ZRANB3: variants seen among roughly 807,000 people sequenced by gnomAD.
ZRANB3 encodes the protein zinc finger RANBP2-type containing 3.
ZRANB3 carries 125 observed loss-of-function variants against 133.8 expected under a neutral mutation model. The observed-to-expected ratio is 0.93, with a 90% CI of 0.81 to 1.08. The LOEUF is 1.08. Ranked by LOEUF, ZRANB3 falls within the 50% of genes least tolerant of loss-of-function variation. The pLI, the probability that ZRANB3 is intolerant of heterozygous loss-of-function variation, is 0.00. For missense variants in ZRANB3, 1,229 were observed against 1,275.5 expected (o/e 0.96, Z 0.56); for synonymous variants, 387 against 432.7 (o/e 0.89, Z 1.31).
At chr2:135,326,430 ATAAT>A (rs1278973163) in intron 6 of ZRANB3, among the ~76,000 whole-genome samples, 1 of 152,148 alleles carries the variant, frequency 6.6e-6, no homozygotes, top group Admixed American at 6.5e-5. Flanking sequence ...TAATGGTATT[ATAAT>A]TAATTACTTT....
intron 2 of ZRANB3, among the ~76,000 whole-genome samples, chr2:135,480,075 A>T (rs764482947): frequency 6.6e-6 from 1 of 150,486 alleles, no homozygotes; most frequent in Non-Finnish European, 1.5e-5. Flanking sequence ...CTGGGACTAC[A>T]GGCGCCCGCC....
At chr2:135,321,479 T>C (rs1368976574) in intron 6 of ZRANB3, among the ~76,000 whole-genome samples, 4 of 151,500 alleles carry the variant, frequency 2.6e-5, no homozygotes, top group Admixed American at 6.6e-5. Flanking sequence ...TTGGGATTTT[T>C]TTTTTTTTTT....
chr2:135,341,245 G>A (rs1016887066), intron 6 of ZRANB3, among the ~76,000 whole-genome samples: 2 of 149,722 alleles, frequency 1.3e-5, no homozygotes, highest in Admixed American at 6.6e-5. Flanking sequence ...AGCCAGGATG[G>A]TCTCGATCTC....
At chr2:135,265,430 T>C in intron 12 of ZRANB3, 104 bp downstream of exon 12, 1 of 1,279,352 alleles carries the variant, frequency 7.8e-7, no homozygotes, top group Non-Finnish European at 1.0e-6. Flanking sequence ...AAGTCTCCTT[T>C]CAACACCATA....
intron 1 of ZRANB3, chr2:135,530,548 T>A (rs1448854372): frequency 1.3e-5 from 2 of 152,192 alleles, no homozygotes; most frequent in Non-Finnish European, 2.9e-5. Context: ...CCGCAGAATC[T>A]CCAACTCCCG....
chr2:135,332,667 AG>A (rs886419556), intron 6 of ZRANB3, among the ~76,000 whole-genome samples: 2 of 152,190 alleles, frequency 1.3e-5, no homozygotes, highest in Non-Finnish European at 2.9e-5. Context: ...GGTTACAACC[AG>A]GTCCTAAGAA....
rs897031102 is a variant in ZRANB3, at chr2:135,316,219, G to A, written c.678-689C>T. ...ACTGACTTGGCAAAAGAAAGGAAGC[G>A]ATAACTTAAACTGCTTGCAAAAGAC... On this transcript the variant is annotated intron_variant, in intron 6 of 20. Coordinates refer to ENST00000264159, the MANE Select transcript of ZRANB3 (RefSeq NM_032143.4). Among the ~76,000 whole-genome samples the A allele has an allele frequency of 5.3e-5, 8 of 152,296 alleles. No homozygotes were observed. The South Asian group carries it at 8.3e-4, about 16-fold the overall frequency.
chr2:135,327,614 G>C (rs942786938), intron 6 of ZRANB3, among the ~76,000 whole-genome samples: 1 of 152,118 alleles, frequency 6.6e-6, no homozygotes, highest in Non-Finnish European at 1.5e-5. Flanking sequence ...AAGGAGAACA[G>C]AAGAAAACGG....
At chr2:135,526,255 C>T (rs1052482751) in intron 1 of ZRANB3, among the ~76,000 whole-genome samples, 1 of 151,424 alleles carries the variant, frequency 6.6e-6, no homozygotes, top group South Asian at 2.1e-4. Context: ...CCTCCACCTC[C>T]CAGGTTCAAG....
At position 135,227,859 on chromosome 2, in the gene ZRANB3, G is replaced by A; in HGVS notation, c.2111C>T (p.Thr704Ile). ...TCCGTCTTCTTTCTCAATTTTTGGT[G>A]TTTCTTCCTTGCTGTCAGCCAACTG... ...PGQLADSKEETPKIEKEDGLT... is the reference protein window; with the variant it reads ...PGQLADSKEEIPKIEKEDGLT... The change falls in exon 14 of 21, where the codon ACA becomes ATA. Residue 704 changes from threonine (T) to isoleucine (I), a missense_variant. By Grantham distance (89) the Thr-to-Ile change is moderately conservative. Transcript: ENST00000264159. The A allele has an allele frequency of 6.3e-7, 1 of 1,576,984 alleles. No individual in the cohort carries two copies. The highest frequency in any genetic ancestry group is 1.2e-5 in the South Asian group (1 of 85,766).
chr2:135,264,309 A>G (rs755711339), intron 12 of ZRANB3, among the ~76,000 whole-genome samples: 1 of 151,566 alleles, frequency 6.6e-6, no homozygotes, highest in Non-Finnish European at 1.5e-5. Context: ...TGTCTCTACT[A>G]AAAATACAAA....
At chr2:135,225,029 C>T (rs1694703485) in intron 14 of ZRANB3, among the ~76,000 whole-genome samples, 1 of 152,132 alleles carries the variant, frequency 6.6e-6, no homozygotes, top group African/African-American at 2.4e-5. Flanking sequence ...TCTTTTTTAG[C>T]CCTTTCTCAG....
At chr2:135,261,311 C>G (rs980592796) in intron 12 of ZRANB3, among the ~76,000 whole-genome samples, 6 of 152,126 alleles carry the variant, frequency 3.9e-5, no homozygotes, top group African/African-American at 1.4e-4. Flanking sequence ...TTCCTTAGTA[C>G]CTGCCAACAA....
chr2:135,322,849 T>C (rs1449491616), intron 6 of ZRANB3, among the ~76,000 whole-genome samples: 3 of 151,914 alleles, frequency 2.0e-5, no homozygotes, highest in African/African-American at 7.3e-5. Flanking sequence ...AAACCCCATC[T>C]CTACTAAAAA....
At chr2:135,243,176 C>A (rs1469651522) in intron 12 of ZRANB3, among the ~76,000 whole-genome samples, 2 of 152,208 alleles carry the variant, frequency 1.3e-5, no homozygotes, top group Non-Finnish European at 2.9e-5. Context: ...TAGTCAATTT[C>A]TCCACAGATG....
chr2:135,234,733 G>A lies in ZRANB3; in HGVS notation c.1540-3806C>T, dbSNP rs1475594363. 3.3e-5 allele frequency among the ~76,000 whole-genome samples: 5 copies of A among 152,194 alleles called. No homozygotes were observed. The East Asian group carries it at 9.7e-4, about 29-fold the overall frequency. ...AACGCAGAAATAAAGATGTTCTTTG[G>A]AATCAATGAGAACGAAGACACAACA... On this transcript the variant is annotated intron_variant, in intron 12 of 20. Coordinates refer to ENST00000264159, the MANE Select transcript of ZRANB3 (RefSeq NM_032143.4).
At chr2:135,481,117 T>G (rs1176711788) in intron 2 of ZRANB3, among the ~76,000 whole-genome samples, 1 of 151,900 alleles carries the variant, frequency 6.6e-6, no homozygotes, top group Non-Finnish European at 1.5e-5. Flanking sequence ...TATAGTCCTT[T>G]GGGTATATAC....
At chr2:135,474,639 G>A (rs1691424550) in intron 2 of ZRANB3, among the ~76,000 whole-genome samples, 1 of 152,060 alleles carries the variant, frequency 6.6e-6, no homozygotes, top group Non-Finnish European at 1.5e-5. Flanking sequence ...GTAGATGCTG[G>A]TATCATGCTA....
intron 3 of ZRANB3, among the ~76,000 whole-genome samples, chr2:135,371,277 A>T (rs1558949443): frequency 1.3e-5 from 2 of 152,230 alleles, no homozygotes; most frequent in Admixed American, 1.3e-4. Flanking sequence ...CTGGTATGGT[A>T]GGAATGTTTG....
Sources: allele counts gnomAD v4.1 joint callset (sites outside exome capture counted in the v4.1 genomes callset), GRCh38; gene constraint gnomAD v4.1.1; transcripts MANE v1.5; gene names NCBI Gene and HGNC (gene_info 2026-07-23, HGNC 2026-07-21).